CDH4: variants seen among roughly 807,000 people sequenced by gnomAD.
The protein encoded by CDH4 is cadherin 4, also known as cadherin-4.
A neutral mutation model predicts 86.0 loss-of-function variants in CDH4; 33 were observed. The ratio of observed to expected loss-of-function variants is 0.38; its 90% CI spans 0.29 to 0.51. The LOEUF is 0.51. Ranked by LOEUF, CDH4 falls within the 20% of genes least tolerant of loss-of-function variation. CDH4 has a pLI of 0.86. For synonymous variants in CDH4, 555 were observed against 549.4 expected (o/e 1.01, Z -0.14); for missense variants, 1,114 against 1,307.4 (o/e 0.85, Z 2.28).
At chr20:61,843,705 AAAT>A (rs1177890830) in intron 4 of CDH4, among the ~76,000 whole-genome samples, 1 of 142,506 alleles carries the variant, frequency 7.0e-6, no homozygotes, top group African/African-American at 2.5e-5. Flanking sequence ...AAAAAAAAAA[AAAT>A]TCCTGTTCCA....
At chr20:61,389,692 G>A (rs2084970551) in intron 2 of CDH4, among the ~76,000 whole-genome samples, 1 of 151,678 alleles carries the variant, frequency 6.6e-6, no homozygotes, top group Admixed American at 6.6e-5. Context: ...TGTCACATCA[G>A]GGGGTGAGAA....
At chr20:61,559,299 C>T (rs530419996) in intron 2 of CDH4, among the ~76,000 whole-genome samples, 2 of 152,090 alleles carry the variant, frequency 1.3e-5, no homozygotes, top group Admixed American at 6.5e-5. Context: ...GCCTGGGTGA[C>T]AGAGTGAGAC....
chr20:61,542,817 T>C (rs1312157555), intron 2 of CDH4, among the ~76,000 whole-genome samples: 1 of 152,188 alleles, frequency 6.6e-6, no homozygotes, highest in Non-Finnish European at 1.5e-5. Context: ...ATTAGGAGAA[T>C]TGACCCTCAG....
At chr20:61,446,270 G>A (rs535954167) in intron 2 of CDH4, among the ~76,000 whole-genome samples, 2 of 152,278 alleles carry the variant, frequency 1.3e-5, no homozygotes, top group South Asian at 4.1e-4. Context: ...CTACAAGTTT[G>A]TCTCACTTTT....
intron 2 of CDH4, among the ~76,000 whole-genome samples, chr20:61,299,863 G>A (rs937852129): frequency 3.3e-5 from 5 of 152,266 alleles, no homozygotes; most frequent in Non-Finnish European, 2.9e-5. Flanking sequence ...CATAAGTAAC[G>A]CCATAGAAGC....
intron 4 of CDH4, among the ~76,000 whole-genome samples, chr20:61,798,557 G>A (rs1026470993): frequency 6.6e-6 from 1 of 152,218 alleles, no homozygotes; most frequent in Non-Finnish European, 1.5e-5. Context: ...CATGCTCTGT[G>A]TGGAGCCACC....
chr20:61,428,218 G>A lies in CDH4; in HGVS notation c.169+173281G>A, dbSNP rs547279189. Among the ~76,000 whole-genome samples the A allele has an allele frequency of 5.9e-5, 9 of 152,248 alleles. No homozygotes were observed. In the South Asian group the frequency reaches 1.0e-3, roughly 18 times the overall value. On this transcript the variant is annotated intron_variant, in intron 2 of 15. Coordinates refer to ENST00000614565, the MANE Select transcript of CDH4 (RefSeq NM_001794.5). ...CAAAAATCAGACACTACCAAGTGTC[G>A]ACAGAAACATGCAGCACCTGGAATC... is the stretch of plus-strand genomic sequence containing the variant.
intron 3 of CDH4, among the ~76,000 whole-genome samples, chr20:61,762,030 C>A (rs1333248052): frequency 1.3e-5 from 2 of 152,266 alleles, no homozygotes; most frequent in Non-Finnish European, 2.9e-5. Flanking sequence ...CCAGTCCAGC[C>A]TCAAGGCCAC....
chr20:61,480,696 G>A lies in CDH4; in HGVS notation c.169+225759G>A, dbSNP rs1406916089. 6.6e-6 allele frequency among the ~76,000 whole-genome samples: 1 copy of A among 152,234 alleles called. No individual in the cohort carries two copies. The highest frequency in any genetic ancestry group is 1.5e-5 in the Non-Finnish European group (1 of 68,038). ...AGCACTGTGTGGGCATCCGGGTTGTGCCCTGGTAAGGCGTTGGAACGGCTG... is the reference window on the plus strand; with the variant it reads ...AGCACTGTGTGGGCATCCGGGTTGTACCCTGGTAAGGCGTTGGAACGGCTG... On this transcript the variant is annotated intron_variant, in intron 2 of 15. Coordinates refer to ENST00000614565, the MANE Select transcript of CDH4 (RefSeq NM_001794.5). This position sits in a 1 kb window ranked among gnomAD's most constrained non-coding sequence, Gnocchi z 5.2.
intron 2 of CDH4, among the ~76,000 whole-genome samples, chr20:61,356,166 A>G (rs1356974414): frequency 6.6e-6 from 1 of 152,178 alleles, no homozygotes; most frequent in Non-Finnish European, 1.5e-5. Flanking sequence ...TTTTCTATGA[A>G]GTGCCTCATC....
chr20:61,423,448 A>G (rs1336476322), intron 2 of CDH4, among the ~76,000 whole-genome samples: 1 of 152,184 alleles, frequency 6.6e-6, no homozygotes, highest in African/African-American at 2.4e-5. Context: ...CTGAATTGAC[A>G]CATTGCAAAA....
intron 2 of CDH4, among the ~76,000 whole-genome samples, chr20:61,483,153 A>G (rs2085577229): frequency 6.6e-6 from 1 of 152,204 alleles, no homozygotes; most frequent in Non-Finnish European, 1.5e-5. Context: ...AGATAGGAAC[A>G]CTAGTGGTAG....
At chr20:61,852,511 TGGG>T (rs1194564388) in intron 5 of CDH4, among the ~76,000 whole-genome samples, 1 of 152,070 alleles carries the variant, frequency 6.6e-6, no homozygotes, top group Non-Finnish European at 1.5e-5. Flanking sequence ...CATGGGGTGT[TGGG>T]GGGTTATGCT....
chr20:61,768,919 G>T (rs2088736772), intron 3 of CDH4, among the ~76,000 whole-genome samples: 1 of 152,204 alleles, frequency 6.6e-6, no homozygotes. Context: ...ACGGCTGTAT[G>T]GAAACCCTTT....
At chr20:61,688,091 C>A (rs1318854216) in intron 2 of CDH4, among the ~76,000 whole-genome samples, 1 of 152,140 alleles carries the variant, frequency 6.6e-6, no homozygotes, top group African/African-American at 2.4e-5. Context: ...CAGGACCCCG[C>A]CGACAGCCCA....
intron 2 of CDH4, among the ~76,000 whole-genome samples, chr20:61,463,068 G>A (rs186713634): frequency 5.9e-5 from 9 of 152,284 alleles, no homozygotes; most frequent in African/African-American, 1.7e-4. Context: ...GTCTCATGAG[G>A]TCTGACGGTT....
chr20:61,579,246 GGCA>G (rs2086407044), intron 2 of CDH4, among the ~76,000 whole-genome samples: 1 of 151,770 alleles, frequency 6.6e-6, no homozygotes, highest in Non-Finnish European at 1.5e-5. Context: ...CAGCCAGCCA[GGCA>G]GTCGGGGAGT....
intron 2 of CDH4, among the ~76,000 whole-genome samples, chr20:61,321,494 T>A (rs558850825): frequency 7.2e-5 from 11 of 152,240 alleles, no homozygotes; most frequent in East Asian, 1.9e-4. Context: ...TGTGTGTGTG[T>A]GAGAGAGAAT....
At chr20:61,763,340 C>T (rs551637731) in intron 3 of CDH4, among the ~76,000 whole-genome samples, 155 of 152,324 alleles carry the variant, frequency 1.0e-3, no homozygotes, top group Admixed American at 4.1e-3. Flanking sequence ...GGCCCTGTTC[C>T]CCTCTTCCAT....
Sources: gnomAD v4.1 joint callset for allele counts (sites outside exome capture counted in the v4.1 genomes callset) on GRCh38, gnomAD v4.1.1 for gene constraint, Gnocchi (gnomAD v3.1) non-coding constraint, MANE v1.5 for transcripts, NCBI Gene and HGNC (gene_info 2026-07-23, HGNC 2026-07-21) for gene names.